The following LRP11 variants were observed in gnomAD, a reference collection of about 807,000 sequenced individuals.
LRP11 encodes the protein low-density lipoprotein receptor-related protein 11.
Under a neutral mutation model 43.1 loss-of-function variants are expected in LRP11, and 25 were observed. That is an observed-to-expected ratio of 0.58 (90% CI 0.42 to 0.81). LRP11 has a LOEUF of 0.81. Among genes scored for constraint, LRP11 ranks in the 30% least tolerant of loss-of-function variants. The pLI is 0.00. For synonymous variants in LRP11, 316 were observed against 299.4 expected (o/e 1.06, Z -0.57); for missense variants, 623 against 665.1 (o/e 0.94, Z 0.70).
chr6:149,845,632 C>A (rs1404472247), intron 2 of LRP11, among the ~76,000 whole-genome samples: 1 of 152,162 alleles, frequency 6.6e-6, no homozygotes, highest in African/African-American at 2.4e-5. Context: ...AATAAGAGAA[C>A]TTCCAAAGAG....
chr6:149,850,271 A>C (rs1425911089), intron 2 of LRP11, among the ~76,000 whole-genome samples: 1 of 152,202 alleles, frequency 6.6e-6, no homozygotes, highest in African/African-American at 2.4e-5. Context: ...TCAGTGTTCC[A>C]GTCAGCAGGA....
intron 3 of LRP11, 72 bp downstream of exon 3, chr6:149,842,911 C>A: frequency 6.4e-7 from 1 of 1,568,208 alleles, no homozygotes; most frequent in Non-Finnish European, 8.8e-7. Context: ...AGCGCAGAGC[C>A]AGAGGACAAA....
intron 3 of LRP11, among the ~76,000 whole-genome samples, chr6:149,839,069 T>G (rs953238154): frequency 3.3e-5 from 5 of 151,604 alleles, no homozygotes; most frequent in Admixed American, 2.6e-4. Context: ...TTGTTTTTTT[T>G]TTTTTTGTAG....
At chr6:149,848,047 G>A (rs1437046756) in intron 2 of LRP11, among the ~76,000 whole-genome samples, 1 of 152,170 alleles carries the variant, frequency 6.6e-6, no homozygotes, top group African/African-American at 2.4e-5. Context: ...TGAAGTCACT[G>A]CTGTAGACTG....
At chr6:149,860,563 G>A (rs1398240469) in intron 1 of LRP11, among the ~76,000 whole-genome samples, 3 of 152,042 alleles carry the variant, frequency 2.0e-5, no homozygotes, top group Non-Finnish European at 2.9e-5. Flanking sequence ...TGAACCTCAC[G>A]ACAGCCTGGG....
At chr6:149,822,501 TAAAAAAAAAA>T (rs35135120) in intron 6 of LRP11, among the ~76,000 whole-genome samples, 73,571 of 143,800 alleles carry the variant, frequency 0.51, 19,654 homozygotes, top group East Asian at 0.83. Context: ...GATCCTGTCT[TAAAAAAAAAA>T]AAAAAAAAGA....
intron 5 of LRP11, among the ~76,000 whole-genome samples, chr6:149,830,167 C>T (rs1210635534): frequency 4.6e-5 from 7 of 151,978 alleles, no homozygotes; most frequent in South Asian, 2.1e-4. Context: ...TGCACCACCA[C>T]GCCTGGCTAA....
chr6:149,849,825 C>T (rs1286670952), intron 2 of LRP11, among the ~76,000 whole-genome samples: 1 of 152,162 alleles, frequency 6.6e-6, no homozygotes, highest in Non-Finnish European at 1.5e-5. Context: ...TGGACACATA[C>T]CAGATGCTTA....
At chr6:149,826,596 C>T (rs1307491257) in intron 5 of LRP11, among the ~76,000 whole-genome samples, 1 of 103,234 alleles carries the variant, frequency 9.7e-6, no homozygotes, top group African/African-American at 6.1e-5. Context: ...GGAAGACACA[C>T]CCTGCACCGA....
At chr6:149,840,511 C>G (rs1423995016) in intron 3 of LRP11, among the ~76,000 whole-genome samples, 2 of 152,178 alleles carry the variant, frequency 1.3e-5, no homozygotes, top group East Asian at 1.9e-4. Context: ...CTCTGGAGCC[C>G]GGAAAGCTGC....
intron 5 of LRP11, among the ~76,000 whole-genome samples, chr6:149,830,736 T>G (rs1776398273): frequency 6.6e-6 from 1 of 152,246 alleles, no homozygotes; most frequent in Non-Finnish European, 1.5e-5. Flanking sequence ...CAGCATTTTC[T>G]TAAATGCCCT....
intron 3 of LRP11, among the ~76,000 whole-genome samples, chr6:149,839,375 A>G (rs1776515892): frequency 6.6e-6 from 1 of 152,200 alleles, no homozygotes; most frequent in Admixed American, 6.5e-5. Flanking sequence ...GACTGAGAAC[A>G]TGGGCCTGAA....
At chr6:149,841,710 C>T (rs1048254621) in intron 3 of LRP11, among the ~76,000 whole-genome samples, 3 of 151,994 alleles carry the variant, frequency 2.0e-5, no homozygotes, top group Non-Finnish European at 4.4e-5. Flanking sequence ...GTCAGGAATT[C>T]GAGACCAGGT....
chr6:149,863,441 C>G lies in LRP11; in HGVS notation c.580G>C (p.Ala194Pro). The part of the protein sequence containing the change: ...YSLSRAPDGA[A>P]LATARASPRQ... ...GGCGAGGCGCGCGCGGTGGCCAGGG[C>G]GGCGCCGTCCGGCGCGCGGCTGAGG... Residue 194 changes from alanine to proline, a missense_variant, in exon 1 of 7, where the codon GCC becomes CCC. Coordinates refer to ENST00000239367, the MANE Select transcript of LRP11 (RefSeq NM_032832.6). 7.6e-7 allele frequency: 1 copy of G among 1,321,642 alleles called. No individual in the cohort carries two copies. The highest frequency in any genetic ancestry group is 9.6e-7 in the Non-Finnish European group (1 of 1,044,008). The allele number at this position is 1,321,642 out of a possible 1,614,324, so 81.9% of individuals were successfully genotyped here.
chr6:149,842,736 A>C, intron 3 of LRP11: 1 of 1,514,510 alleles, frequency 6.6e-7, no homozygotes, highest in Non-Finnish European at 9.0e-7. Context: ...AGTCGAGTCA[A>C]GAGAAGCGGG....
chr6:149,859,150 T>C (rs1002657801), intron 1 of LRP11, among the ~76,000 whole-genome samples: 1 of 152,000 alleles, frequency 6.6e-6, no homozygotes, highest in African/African-American at 2.4e-5. Context: ...AAGAGGGAAG[T>C]AGCAATTTAC....
chr6:149,833,221 G>A (rs993593519), intron 5 of LRP11, among the ~76,000 whole-genome samples: 6 of 152,196 alleles, frequency 3.9e-5, no homozygotes, highest in African/African-American at 1.4e-4. Context: ...ACAGGCGTGA[G>A]CCACCGTGCC....
rs193168481 is a variant in LRP11, at chr6:149,855,027, A to G, written c.614-1867T>C. On this transcript the variant is annotated intron_variant, in intron 1 of 6. Coordinates refer to ENST00000239367, the MANE Select transcript of LRP11 (RefSeq NM_032832.6). ...TCAGCAAGTTACCATTGCCTTTCAG[A>G]TGTTTAGGACCTAACCCTCCAGGAT... is the stretch of plus-strand genomic sequence containing the variant. Among the ~76,000 whole-genome samples the G allele has an allele frequency of 2.6e-5, 4 of 152,266 alleles. No individual in the cohort carries two copies. The East Asian group carries it at 7.7e-4, about 29-fold the overall frequency.
In LRP11 at chr6:149,836,096, G is replaced by A; in HGVS notation, c.1241C>T (p.Pro414Leu). 1 of 1,613,978 alleles carries A rather than the reference G, an allele frequency of 6.2e-7. No individual in the cohort carries two copies. The highest frequency in any genetic ancestry group is 1.1e-5 in the South Asian group (1 of 91,044). The part of the protein sequence containing the change: ...AFWGPESQII[P>L]VMPDSSSSGK... Reference sequence around the variant, plus strand: ...CCGTGAATCCTTACCTGGCATCACAGGAATGATTTGACTCTCTGGTCCCCA... The same window carrying A: ...CCGTGAATCCTTACCTGGCATCACAAGAATGATTTGACTCTCTGGTCCCCA... The change falls in exon 5 of 7, where the codon CCT becomes CTT. Residue 414 changes from proline (P) to leucine (L), a missense_variant. Coordinates refer to ENST00000239367, the MANE Select transcript of LRP11 (RefSeq NM_032832.6).
Sources: allele counts gnomAD v4.1 joint callset (sites outside exome capture counted in the v4.1 genomes callset), GRCh38; gene constraint gnomAD v4.1.1; transcripts MANE v1.5; gene names NCBI Gene and HGNC (gene_info 2026-07-23, HGNC 2026-07-21).